LRBA: variants seen among roughly 807,000 people sequenced by gnomAD.
LRBA encodes lipopolysaccharide-responsive and beige-like anchor protein.
In LRBA, 176 loss-of-function variants were observed where a neutral mutation model predicts 330.0. That is an observed-to-expected ratio of 0.53 (90% CI 0.47 to 0.60). LRBA has a LOEUF of 0.60. Among genes scored for constraint, LRBA ranks in the 20% least tolerant of loss-of-function variants. The pLI is 0.00. For missense variants in LRBA, 3,259 were observed against 3,444.8 expected, an observed-to-expected ratio of 0.95 and a Z score of 1.35; for synonymous variants, 1,230 against 1,193.0, an observed-to-expected ratio of 1.03 and a Z score of -0.64.
intron 17 of LRBA, among the ~76,000 whole-genome samples, chr4:150,890,238 T>C (rs958238084): frequency 8.5e-5 from 13 of 152,190 alleles, no homozygotes; most frequent in Non-Finnish European, 1.9e-4. Context: ...TGTTTAACAA[T>C]GATAGAAGTA....
At chr4:150,837,162 G>A (rs552519754) in intron 28 of LRBA, among the ~76,000 whole-genome samples, 4 of 152,312 alleles carry the variant, frequency 2.6e-5, no homozygotes, top group African/African-American at 9.6e-5. Flanking sequence ...CGGAGAGATG[G>A]TTTGTTATAA....
intron 48 of LRBA, among the ~76,000 whole-genome samples, chr4:150,347,093 C>A (rs78081824): frequency 1.3e-5 from 2 of 152,106 alleles, no homozygotes; most frequent in African/African-American, 4.8e-5. Context: ...GAAGATATTA[C>A]GCTAAGTAAA....
intron 31 of LRBA, among the ~76,000 whole-genome samples, chr4:150,815,289 G>A (rs1172744444): frequency 1.3e-5 from 2 of 151,150 alleles, no homozygotes; most frequent in East Asian, 3.9e-4. Flanking sequence ...TTGGATGGGG[G>A]TGGAGAAGCG....
At chr4:150,877,804 C>A (rs574104035) in intron 17 of LRBA, among the ~76,000 whole-genome samples, 3 of 152,222 alleles carry the variant, frequency 2.0e-5, no homozygotes, top group Non-Finnish European at 2.9e-5. Flanking sequence ...TCAATAAATT[C>A]AAAAAATTGA....
Position 150,896,420 on chromosome 4 carries a change from G to T in LRBA, c.2041C>A (p.Leu681Ile). The T allele has an allele frequency of 6.5e-7, 1 of 1,547,862 alleles. No individual in the cohort carries two copies. The highest frequency in any genetic ancestry group is 1.2e-5 in the South Asian group (1 of 86,008). ...TCATGCATAGTCAGTAGGTAATTAA[G>T]AATGGCCTGTAATTCATCTTCCTTT... ...GVKEDELQAILNYLLTMHEDD... is the reference protein window; with the variant it reads ...GVKEDELQAIINYLLTMHEDD... The change falls in exon 16 of 57, where the codon CTT becomes ATT. Residue 681 changes from leucine to isoleucine, a missense_variant. Physicochemically the swap from Leu to Ile is conservative, Grantham distance 5. Transcript: ENST00000651943.
At chr4:150,753,519 GT>G (rs1471572113) in intron 35 of LRBA, among the ~76,000 whole-genome samples, 1 of 151,954 alleles carries the variant, frequency 6.6e-6, no homozygotes, top group Admixed American at 6.6e-5. Flanking sequence ...TGCTGTTGTA[GT>G]TTTTTTAAAA....
intron 46 of LRBA, among the ~76,000 whole-genome samples, chr4:150,422,383 T>C (rs185311347): frequency 6.6e-5 from 10 of 152,306 alleles, no homozygotes; most frequent in Admixed American, 6.5e-4. Flanking sequence ...TTACCCATCA[T>C]TGTGACTTTT....
intron 22 of LRBA, 54 bp from the exon 23 acceptor site, chr4:150,852,997 T>G (rs538703128): frequency 1.0e-6 from 1 of 994,348 alleles, no homozygotes; most frequent in Non-Finnish European, 1.4e-6. Flanking sequence ...GAAGACAGAA[T>G]ACAAAATATA....
At chr4:150,696,758 C>A (rs1401413297) in intron 36 of LRBA, among the ~76,000 whole-genome samples, 1 of 151,622 alleles carries the variant, frequency 6.6e-6, no homozygotes, top group Non-Finnish European at 1.5e-5. Flanking sequence ...GTAATCCCAG[C>A]ACTTTGGGAG....
chr4:150,474,308 A>C (rs1377858093), intron 42 of LRBA, among the ~76,000 whole-genome samples: 1 of 152,142 alleles, frequency 6.6e-6, no homozygotes, highest in South Asian at 2.1e-4. Context: ...TGTATTGTCA[A>C]TTCTCTTCCT....
At chr4:150,403,737 C>G (rs185569631) in intron 47 of LRBA, among the ~76,000 whole-genome samples, 10 of 152,092 alleles carry the variant, frequency 6.6e-5, no homozygotes, top group Non-Finnish European at 1.2e-4. Context: ...AAAATATACA[C>G]CTGGCTGGGC....
intron 37 of LRBA, among the ~76,000 whole-genome samples, chr4:150,655,030 A>G (rs1234613397): frequency 6.6e-6 from 1 of 152,196 alleles, no homozygotes; most frequent in Non-Finnish European, 1.5e-5. Context: ...TTATAGCAGC[A>G]TGATTTATAA....
chr4:150,864,741 G>C (rs1320176373), intron 22 of LRBA, among the ~76,000 whole-genome samples: 2 of 150,538 alleles, frequency 1.3e-5, no homozygotes, highest in African/African-American at 4.9e-5. Flanking sequence ...CTGCCTCCTG[G>C]GTTCAGGCAA....
intron 37 of LRBA, among the ~76,000 whole-genome samples, chr4:150,635,176 C>T (rs1272261013): frequency 6.6e-6 from 1 of 152,144 alleles, no homozygotes; most frequent in African/African-American, 2.4e-5. Context: ...CTTTTCCTTT[C>T]AAATTCTGCT....
chr4:150,772,840 A>ACTATCAG (rs1195401496), intron 34 of LRBA, among the ~76,000 whole-genome samples: 1 of 152,152 alleles, frequency 6.6e-6, no homozygotes, highest in Admixed American at 6.6e-5. Context: ...TCTACTCAGA[A>ACTATCAG]CTATCAGCTT....
In LRBA at chr4:150,828,587, C is replaced by A. The variant is rs144797074; in HGVS notation, c.4764G>T (p.Thr1588=). Reference sequence around the variant, plus strand: ...TGCTTTCAGATTCTTCCACTGATGCCGTAGTTAAAGTGCTGAATGCTGCTG... The same window carrying A: ...TGCTTTCAGATTCTTCCACTGATGCAGTAGTTAAAGTGCTGAATGCTGCTG... The part of the protein sequence containing the change: ...ITPAAFSTLT[T]ASVEESESTS... Residue 1588 remains threonine, a synonymous_variant, in exon 30 of 57, where the codon ACG becomes ACT. Coordinates refer to ENST00000651943, the MANE Select transcript of LRBA (RefSeq NM_001364905.1). 5.6e-6 allele frequency: 9 copies of A among 1,613,896 alleles called. No homozygotes were observed. Among genetic ancestry groups the A allele is most frequent in the African/African-American group, 4.0e-5 (3 of 74,998 alleles).
At chr4:150,602,794 A>C (rs1774252343) in intron 37 of LRBA, among the ~76,000 whole-genome samples, 1 of 152,206 alleles carries the variant, frequency 6.6e-6, no homozygotes, top group African/African-American at 2.4e-5. Context: ...AAAGGTTATA[A>C]AGTAATTAAA....
chr4:150,746,921 G>A (rs577137293), intron 35 of LRBA, among the ~76,000 whole-genome samples: 1 of 152,020 alleles, frequency 6.6e-6, no homozygotes, highest in Admixed American at 6.6e-5. Context: ...TTCTTTCCAT[G>A]AGTCTTACTA....
chr4:150,752,525 G>C (rs939589226), intron 35 of LRBA, among the ~76,000 whole-genome samples: 1 of 152,010 alleles, frequency 6.6e-6, no homozygotes, highest in Non-Finnish European at 1.5e-5. Context: ...TTTAAGGCCA[G>C]TCTAGATCTT....
Sources: allele counts gnomAD v4.1 joint callset (sites outside exome capture counted in the v4.1 genomes callset), GRCh38; gene constraint gnomAD v4.1.1; transcripts MANE v1.5; gene names NCBI Gene and HGNC (gene_info 2026-07-23, HGNC 2026-07-21).